Variants in DCPS observed in about 807,000 individuals in gnomAD.
DCPS encodes the protein decapping enzyme, scavenger, also known as m7GpppX diphosphatase.
A neutral mutation model predicts 34.7 loss-of-function variants in DCPS; 27 were observed. The observed-to-expected ratio is 0.78, with a 90% confidence interval of 0.57 to 1.07. The LOEUF (loss-of-function observed/expected upper bound fraction) is 1.07, where lower values mean the gene tolerates loss of function less well. DCPS is among the 50% of genes least tolerant of loss of function. The pLI is 0.00. For synonymous variants in DCPS, 185 were observed against 185.7 expected (o/e 1.00, Z 0.03); for missense variants, 464 against 436.9 (o/e 1.06, Z -0.55).
chr11:126,320,915 C>T lies in DCPS; in HGVS notation c.377-10490C>T, dbSNP rs1951700713. Among the ~76,000 whole-genome samples, 1 of 152,306 alleles carries T rather than the reference C, an allele frequency of 6.6e-6. No homozygotes were observed. Among genetic ancestry groups the T allele is most frequent in the East Asian group, 1.9e-4 (1 of 5,174 alleles). ...TTCCCATTTCATATGGAACTTGCTC[C>T]TTCCTTGCCCCAGCAGGAGAGTAGA... On this transcript the variant is annotated intron_variant, in intron 2 of 5. Transcript: ENST00000263579. The surrounding 1 kb of genome is among the most constrained non-coding windows in gnomAD (Gnocchi z 4.7).
chr11:126,320,886 T>G lies in DCPS; in HGVS notation c.377-10519T>G, dbSNP rs1348440549. On this transcript the variant is annotated intron_variant, in intron 2 of 5. Coordinates refer to ENST00000263579, the MANE Select transcript of DCPS (RefSeq NM_014026.6). The surrounding 1 kb of genome is among the most constrained non-coding windows in gnomAD (Gnocchi z 4.7). ...ACCTTGGCCAGCAGTCCCTCAAGTCTGCTTTCCCATTTCATATGGAACTTG... is the reference window on the plus strand; with the variant it reads ...ACCTTGGCCAGCAGTCCCTCAAGTCGGCTTTCCCATTTCATATGGAACTTG... Among the ~76,000 whole-genome samples the G allele has an allele frequency of 6.6e-6, 1 of 152,178 alleles. No individual in the cohort carries two copies. The highest frequency in any genetic ancestry group is 6.5e-5 in the Admixed American group (1 of 15,268).
chr11:126,305,712 C>T lies in DCPS; in HGVS notation c.202-858C>T, dbSNP rs570621300. Among the ~76,000 whole-genome samples, 18 of 152,204 alleles carry T rather than the reference C, an allele frequency of 1.2e-4. No homozygotes were observed. In the East Asian group the frequency reaches 2.5e-3, roughly 21 times the overall value. ...CTGGGATTATAGGCATGAGCGACTG[C>T]GCTGGGCCTTGTTTTTTGTTGTTTT... is the stretch of plus-strand genomic sequence containing the variant. On this transcript the variant is annotated intron_variant, in intron 1 of 5. Transcript: ENST00000263579.
rs1381681891 is a variant in DCPS, at chr11:126,306,572, G to A, written c.204G>A (p.Val68=). The change falls in exon 2 of 6, where the codon GTG becomes GTA. Residue 68 remains valine (V), a splice_region_variant and synonymous_variant. Transcript: ENST00000263579. ...RDKIIFLHGK[V]NEASGDGDGE... Reference sequence around the variant, plus strand: ...ACTGATGATGCCTCTGCCCACAGGTGAATGAGGCCTCTGGGGATGGGGATG... The same window carrying A: ...ACTGATGATGCCTCTGCCCACAGGTAAATGAGGCCTCTGGGGATGGGGATG... 2 of 1,603,930 alleles carry A rather than the reference G, an allele frequency of 1.2e-6. No individual in the cohort carries two copies. The highest frequency in any genetic ancestry group is 1.7e-5 in the Admixed American group (1 of 59,680).
chr11:126,339,439 A>G (rs12290981), intron 4 of DCPS, among the ~76,000 whole-genome samples: 2,087 of 152,208 alleles, frequency 0.014, 67 homozygotes, highest in African/African-American at 0.047. Context: ...TGCCTATGAC[A>G]CCTTCAGTTT....
chr11:126,343,553 C>A, intron 5 of DCPS, 136 bp downstream of exon 5: 1 of 751,490 alleles, frequency 1.3e-6, no homozygotes, highest in Non-Finnish European at 2.2e-6. Context: ...TCTTGGGGAC[C>A]CCATTAGGCT....
chr11:126,341,765 C>T (rs553245491), intron 4 of DCPS: 1 of 152,366 alleles, frequency 6.6e-6, no homozygotes, highest in South Asian at 2.1e-4. Flanking sequence ...TGAGAGAATA[C>T]ATTTCTTGGC....
At chr11:126,305,057 C>T (rs1951552340) in intron 1 of DCPS, among the ~76,000 whole-genome samples, 1 of 152,222 alleles carries the variant, frequency 6.6e-6, no homozygotes, top group Non-Finnish European at 1.5e-5. Flanking sequence ...ATCAGGGAAC[C>T]TTGGCCTAGG....
intron 2 of DCPS, among the ~76,000 whole-genome samples, chr11:126,308,183 G>A (rs1565370686): frequency 6.6e-6 from 1 of 152,168 alleles, no homozygotes; most frequent in African/African-American, 2.4e-5. Context: ...TTCTCAAGAT[G>A]GTTAGATTTT....
rs906251492 is a variant in DCPS at position 126,348,866 on chromosome 11, A to T, written c.*3253A>T. Among the ~76,000 whole-genome samples the T allele has an allele frequency of 4.6e-5, 7 of 152,146 alleles. No individual in the cohort carries two copies. The highest frequency in any genetic ancestry group is 3.9e-4 in the Admixed American group (6 of 15,276). ...CATTCATATAGCAGATCATTTCATG[A>T]CCCACATTCTCCTTCCTTTTTACGA... is the stretch of plus-strand genomic sequence containing the variant. On this transcript the variant is annotated 3_prime_UTR_variant, in exon 6 of 6. Transcript: ENST00000263579. The surrounding 1 kb of genome is among the most constrained non-coding windows in gnomAD (Gnocchi z 5.3).
Position 126,319,750 on chromosome 11 carries a change from G to C in DCPS, c.377-11655G>C, listed in dbSNP as rs1419519663. 6.6e-6 allele frequency among the ~76,000 whole-genome samples: 1 copy of C among 152,134 alleles called. No homozygotes were observed. The highest frequency in any genetic ancestry group is 1.5e-5 in the Non-Finnish European group (1 of 68,034). ...CATGGCCCCAGCACAGGTATCTTAG[G>C]AACGGCCCGAAAGAGGTTGGGCCTT... On this transcript the variant is annotated intron_variant, in intron 2 of 5. Coordinates refer to ENST00000263579, the MANE Select transcript of DCPS (RefSeq NM_014026.6). The surrounding 1 kb of genome is among the most constrained non-coding windows in gnomAD (Gnocchi z 4.5).
At position 126,332,877 on chromosome 11, in the gene DCPS, G is replaced by A. The variant is rs1951803616; in HGVS notation, c.522+1327G>A. Among the ~76,000 whole-genome samples, 1 of 152,150 alleles carries A rather than the reference G, an allele frequency of 6.6e-6. No individual in the cohort carries two copies. The highest frequency in any genetic ancestry group is 6.5e-5 in the Admixed American group (1 of 15,274). On this transcript the variant is annotated intron_variant, in intron 3 of 5. Transcript: ENST00000263579. The surrounding 1 kb of genome is among the most constrained non-coding windows in gnomAD (Gnocchi z 5.4). ...CCTTCTTAGAGTTTCTGCTGTTCAG[G>A]GTCCTAGGGAATCTCCTGGAACAGT...
rs752020530 is a variant in DCPS, at chr11:126,345,399, T to G, written c.800T>G (p.Leu267Arg). 2 of 1,614,194 alleles carry G rather than the reference T, an allele frequency of 1.2e-6. No homozygotes were observed. The highest frequency in any genetic ancestry group is 1.7e-6 in the Non-Finnish European group (2 of 1,180,016). Residue 267 changes from leucine (L) to arginine (R), a missense_variant, in exon 6 of 6, where the codon CTG (leucine) becomes CGG (arginine). Transcript: ENST00000263579. The surrounding 1 kb of genome is among the most constrained non-coding windows in gnomAD (Gnocchi z 7.4). ...AAGGGAGACCATCTGCGAGTATACCTGCACTACCTGCCCTCCTACTACCAC... is the reference window on the plus strand; with the variant it reads ...AAGGGAGACCATCTGCGAGTATACCGGCACTACCTGCCCTCCTACTACCAC... ...RMKGDHLRVY[L>R]HYLPSYYHLH...
At position 126,320,840 on chromosome 11, in the gene DCPS, T is replaced by C. The variant is rs1179590319; in HGVS notation, c.377-10565T>C. 3.9e-5 allele frequency among the ~76,000 whole-genome samples: 6 copies of C among 152,122 alleles called. No homozygotes were observed. Among genetic ancestry groups the C allele is most frequent in the Non-Finnish European group, 8.8e-5 (6 of 68,020 alleles). ...ACCTAGGATACGTAGGGAGGAGCAGTAACTGGATCTGAGAGATGACACCTT... is the reference window on the plus strand; with the variant it reads ...ACCTAGGATACGTAGGGAGGAGCAGCAACTGGATCTGAGAGATGACACCTT... On this transcript the variant is annotated intron_variant, in intron 2 of 5. Transcript: ENST00000263579. This position sits in a 1 kb window ranked among gnomAD's most constrained non-coding sequence, Gnocchi z 4.7.
At position 126,331,580 on chromosome 11, in the gene DCPS, C is replaced by T. The variant is rs1283234931; in HGVS notation, c.522+30C>T. ...CTGGCTGCATGTCTCAGACGCAGAG[C>T]ACTGCTCCCGTGGCTGGTGCCTCCT... On this transcript the variant is annotated intron_variant, in intron 3 of 5. Coordinates refer to ENST00000263579, the MANE Select transcript of DCPS (RefSeq NM_014026.6). This position sits in a 1 kb window ranked among gnomAD's most constrained non-coding sequence, Gnocchi z 7.2. The T allele has an allele frequency of 6.2e-7, 1 of 1,610,328 alleles. No homozygotes were observed. Among genetic ancestry groups the T allele is most frequent in the Non-Finnish European group, 8.5e-7 (1 of 1,177,894 alleles).
In DCPS at chr11:126,331,178, C is replaced by A. The variant is rs1951787537; in HGVS notation, c.377-227C>A. ...GTTTGCCTGATGAGGGGCCCAGTGACCCACAGGTAAGAACCTTGTGTTTTC... is the reference window on the plus strand; with the variant it reads ...GTTTGCCTGATGAGGGGCCCAGTGAACCACAGGTAAGAACCTTGTGTTTTC... On this transcript the variant is annotated intron_variant, in intron 2 of 5. Transcript: ENST00000263579. This position sits in a 1 kb window ranked among gnomAD's most constrained non-coding sequence, Gnocchi z 7.2. Among the ~76,000 whole-genome samples, 1 of 152,128 alleles carries A rather than the reference C, an allele frequency of 6.6e-6. No homozygotes were observed. The highest frequency in any genetic ancestry group is 2.4e-5 in the African/African-American group (1 of 41,408).
chr11:126,324,028 C>T (rs1951724480), intron 2 of DCPS, among the ~76,000 whole-genome samples: 4 of 151,864 alleles, frequency 2.6e-5, no homozygotes, highest in African/African-American at 9.7e-5. Context: ...GATGGGGTTT[C>T]ACCATATTGG....
At position 126,313,413 on chromosome 11, in the gene DCPS, T is replaced by G. The variant is rs969655831; in HGVS notation, c.376+6669T>G. 1.6e-4 allele frequency among the ~76,000 whole-genome samples: 24 copies of G among 152,174 alleles called. No individual in the cohort carries two copies. Among genetic ancestry groups the G allele is most frequent in the African/African-American group, 5.8e-4 (24 of 41,434 alleles). On this transcript the variant is annotated intron_variant, in intron 2 of 5. Transcript: ENST00000263579. The surrounding 1 kb of genome is among the most constrained non-coding windows in gnomAD (Gnocchi z 4.9). ...AGAAGAGTTTGCTTGGTAGCATTGTTAATGATAGAACAAACTAGAAACAAT... is the reference window on the plus strand; with the variant it reads ...AGAAGAGTTTGCTTGGTAGCATTGTGAATGATAGAACAAACTAGAAACAAT...
intron 2 of DCPS, among the ~76,000 whole-genome samples, chr11:126,321,753 ATAAT>A (rs1161598444): frequency 2.0e-4 from 31 of 152,244 alleles, no homozygotes; most frequent in African/African-American, 7.2e-4. Flanking sequence ...TTCAAGAACT[ATAAT>A]TAATCTCAGA....
rs1951955589 is a variant in DCPS, at chr11:126,348,254, TTC to T, written c.*2643_*2644del. Reference sequence around the variant, plus strand: ...TCGACTCCCCCGAGGGGCTGGCCAGTTCTGTCTTCCTTCTGCCCACTCTGTGG... The same window carrying T: ...TCGACTCCCCCGAGGGGCTGGCCAGTTGTCTTCCTTCTGCCCACTCTGTGG... On this transcript the variant is annotated 3_prime_UTR_variant, in exon 6 of 6. Transcript: ENST00000263579. The surrounding 1 kb of genome is among the most constrained non-coding windows in gnomAD (Gnocchi z 5.3). 1.3e-5 allele frequency among the ~76,000 whole-genome samples: 2 copies of T among 152,230 alleles called. No homozygotes were observed. The highest frequency in any genetic ancestry group is 4.2e-4 in the South Asian group (2 of 4,818).
Sources: gnomAD v4.1 joint callset for allele counts (sites outside exome capture counted in the v4.1 genomes callset) on GRCh38, gnomAD v4.1.1 for gene constraint, Gnocchi (gnomAD v3.1) non-coding constraint, MANE v1.5 for transcripts, NCBI Gene and HGNC (gene_info 2026-07-23, HGNC 2026-07-21) for gene names.